Variants in ABTB3 observed in about 807,000 individuals in gnomAD.
ABTB3 encodes ankyrin repeat and BTB domain containing 3.
At chr12:107,546,137 G>T in the ABTB3 span, among the ~76,000 whole-genome samples, 480 of 152,276 alleles carry the variant, frequency 3.2e-3, 8 homozygotes, top group East Asian at 0.034. Context: ...TGCCTGTAAA[G>T]CTTCATGAAG....
the ABTB3 span, among the ~76,000 whole-genome samples, chr12:107,542,175 G>A: frequency 1.1e-4 from 17 of 151,952 alleles, no homozygotes; most frequent in African/African-American, 4.1e-4. Flanking sequence ...AGCTGGGAGT[G>A]GTGGTGCATG....
chr12:107,400,273 G>T, the ABTB3 span, among the ~76,000 whole-genome samples: 1 of 152,136 alleles, frequency 6.6e-6, no homozygotes, highest in South Asian at 2.1e-4. Context: ...ATATGTATAT[G>T]ATCAACACTC....
chr12:107,623,336 G>T, the ABTB3 span, among the ~76,000 whole-genome samples: 6 of 141,988 alleles, frequency 4.2e-5, no homozygotes, highest in Non-Finnish European at 9.0e-5. Context: ...TGGGATTACA[G>T]GTGTGAGCCA....
chr12:107,634,917 A>G, the ABTB3 span: 1 of 162,514 alleles, frequency 6.2e-6, no homozygotes, highest in Non-Finnish European at 1.3e-5. Flanking sequence ...TGCTAATTTC[A>G]GGATAATTCA....
chr12:107,366,646 C>A, the ABTB3 span, among the ~76,000 whole-genome samples: 3 of 152,180 alleles, frequency 2.0e-5, no homozygotes, highest in Middle Eastern at 3.2e-3. Flanking sequence ...CACGGTTTTT[C>A]TTCAGCCTCT....
At chr12:107,438,392 A>G in the ABTB3 span, among the ~76,000 whole-genome samples, 105 of 152,302 alleles carry the variant, frequency 6.9e-4, no homozygotes, top group East Asian at 0.019. Context: ...TCTTCCATCC[A>G]CTTGCAGAAG....
At chr12:107,400,996 CCA>C in the ABTB3 span, among the ~76,000 whole-genome samples, 1 of 152,194 alleles carries the variant, frequency 6.6e-6, no homozygotes, top group Non-Finnish European at 1.5e-5. Context: ...TACCTCCTAC[CCA>C]CATGTGCCAG....
the ABTB3 span, among the ~76,000 whole-genome samples, chr12:107,514,617 C>T: frequency 2.0e-5 from 3 of 152,254 alleles, no homozygotes; most frequent in South Asian, 6.2e-4. Context: ...AAACATGATG[C>T]TAGGACCTTC....
At chr12:107,616,306 G>A in the ABTB3 span, among the ~76,000 whole-genome samples, 1 of 152,214 alleles carries the variant, frequency 6.6e-6, no homozygotes, top group Non-Finnish European at 1.5e-5. Flanking sequence ...CGATCACGGA[G>A]TGCCAAGTAG....
the ABTB3 span, among the ~76,000 whole-genome samples, chr12:107,542,383 G>T: frequency 4.1e-4 from 63 of 151,908 alleles, no homozygotes; most frequent in Non-Finnish European, 8.5e-4. Flanking sequence ...ATATTCTGGT[G>T]TGCATGAGAT....
the ABTB3 span, chr12:107,649,062 G>C: frequency 3.0e-6 from 2 of 675,520 alleles, no homozygotes; most frequent in South Asian, 3.7e-5. Flanking sequence ...TGAGCTCTTG[G>C]TCACTGGTGA....
the ABTB3 span, chr12:107,641,961 T>C: frequency 3.4e-4 from 278 of 820,764 alleles, no homozygotes; most frequent in Admixed American, 1.0e-3. Context: ...TGTAAGGATA[T>C]ACCAGTGCTA....
chr12:107,542,180 T>C, the ABTB3 span, among the ~76,000 whole-genome samples: 2 of 151,766 alleles, frequency 1.3e-5, no homozygotes, highest in South Asian at 4.2e-4. Flanking sequence ...GGAGTGGTGG[T>C]GCATGCCTGT....
At chr12:107,520,550 G>A in the ABTB3 span, 2 of 1,614,224 alleles carry the variant, frequency 1.2e-6, no homozygotes, top group Non-Finnish European at 1.7e-6. Flanking sequence ...AACAAGCCAG[G>A]GGAACTGCCC....
chr12:107,423,297 T>C, the ABTB3 span, among the ~76,000 whole-genome samples: 2 of 152,226 alleles, frequency 1.3e-5, no homozygotes, highest in South Asian at 4.1e-4. Context: ...AATGTAATTG[T>C]AGCAAAGAGA....
the ABTB3 span, among the ~76,000 whole-genome samples, chr12:107,428,722 T>C: frequency 7.2e-5 from 11 of 152,250 alleles, no homozygotes; most frequent in East Asian, 1.9e-4. Context: ...GGGTTTGCTA[T>C]TGGGGAAAGT....
chr12:107,427,296 T>C, the ABTB3 span, among the ~76,000 whole-genome samples: 2 of 151,666 alleles, frequency 1.3e-5, no homozygotes, highest in Non-Finnish European at 2.9e-5. Context: ...TTTTTTTTTT[T>C]AAAGAAACAG....
At chr12:107,542,037 C>T in the ABTB3 span, among the ~76,000 whole-genome samples, 4 of 152,210 alleles carry the variant, frequency 2.6e-5, no homozygotes, top group Non-Finnish European at 4.4e-5. Flanking sequence ...TGGCCAGGCG[C>T]GGTGGGTCAC....
chr12:107,657,372 T>A, the ABTB3 span: 2 of 736,140 alleles, frequency 2.7e-6, no homozygotes, highest in Non-Finnish European at 4.7e-6. Context: ...ACCCCATGGG[T>A]GTGTGCTGGG....
Sources: allele counts gnomAD v4.1 joint callset (sites outside exome capture counted in the v4.1 genomes callset), GRCh38; gene constraint gnomAD v4.1.1; transcripts MANE v1.5; gene names NCBI Gene and HGNC (gene_info 2026-07-23, HGNC 2026-07-21).